The following CSMD1 variants were observed in gnomAD, a reference collection of about 807,000 sequenced individuals.
The protein encoded by CSMD1 is CUB and sushi domain-containing protein 1.
Under a neutral mutation model 417.5 loss-of-function variants are expected in CSMD1, and 213 were observed. The ratio of observed to expected loss-of-function variants is 0.51; its 90% CI spans 0.46 to 0.57. CSMD1 has a LOEUF of 0.57. CSMD1 is among the 20% of genes least tolerant of loss of function. The pLI, the probability that CSMD1 is intolerant of heterozygous loss-of-function variation, is 0.00. For missense variants in CSMD1, 6,923 were observed against 4,529.7 expected (o/e 1.53, Z -15.17); for synonymous variants, 2,862 against 1,736.8 (o/e 1.65, Z -16.11).
chr8:3,045,709 G>A (rs574900715), intron 50 of CSMD1, among the ~76,000 whole-genome samples: 2 of 152,208 alleles, frequency 1.3e-5, no homozygotes, highest in East Asian at 3.9e-4. Flanking sequence ...TAAGTTCCTA[G>A]AAGCAATATA....
At chr8:3,007,985 T>C (rs1256770059) in intron 52 of CSMD1, among the ~76,000 whole-genome samples, 1 of 152,182 alleles carries the variant, frequency 6.6e-6, no homozygotes, top group Non-Finnish European at 1.5e-5. Flanking sequence ...AAACTGCTAT[T>C]ATATTTTGCT....
At chr8:4,157,918 T>C (rs760119418) in intron 3 of CSMD1, among the ~76,000 whole-genome samples, 7 of 152,206 alleles carry the variant, frequency 4.6e-5, no homozygotes, top group Non-Finnish European at 7.3e-5. Flanking sequence ...GGCTTGTCCC[T>C]GAGGTTAAGC....
intron 1 of CSMD1, among the ~76,000 whole-genome samples, chr8:4,817,348 G>C (rs12541090): frequency 2.0e-5 from 3 of 152,158 alleles, no homozygotes; most frequent in African/African-American, 2.4e-5. Context: ...AATATGCTAA[G>C]ATAAAACATC....
intron 3 of CSMD1, among the ~76,000 whole-genome samples, chr8:4,054,068 A>C (rs944643362): frequency 6.6e-6 from 1 of 152,086 alleles, no homozygotes; most frequent in Non-Finnish European, 1.5e-5. Context: ...TGCTACTCCT[A>C]TCTCTCTCTG....
rs542215960 is a variant in CSMD1 at position 4,223,133 on chromosome 8, C to T, written c.416-191034G>A. On this transcript the variant is annotated intron_variant, in intron 3 of 69. Coordinates refer to ENST00000635120, the MANE Select transcript of CSMD1 (RefSeq NM_033225.6). Reference sequence around the variant, plus strand: ...TGTAGTAGCAAGTGGCTCAGTAAGACCTTGGGGAAAGGAGGGCAACGCCAC... The same window carrying T: ...TGTAGTAGCAAGTGGCTCAGTAAGATCTTGGGGAAAGGAGGGCAACGCCAC... Among the ~76,000 whole-genome samples the T allele has an allele frequency of 8.1e-5, 12 of 148,098 alleles. No individual in the cohort carries two copies. The South Asian group carries it at 2.5e-3, about 31-fold the overall frequency.
At chr8:3,843,627 T>C (rs1338548087) in intron 5 of CSMD1, among the ~76,000 whole-genome samples, 1 of 152,156 alleles carries the variant, frequency 6.6e-6, no homozygotes, top group Non-Finnish European at 1.5e-5. Context: ...AAATTTGTTA[T>C]AGGATACCAT....
At chr8:4,433,104 A>G (rs557616104) in intron 2 of CSMD1, among the ~76,000 whole-genome samples, 35 of 152,256 alleles carry the variant, frequency 2.3e-4, no homozygotes, top group African/African-American at 8.2e-4. Context: ...ATTGTCTCCC[A>G]TCACCTCCAG....
chr8:3,699,653 G>A (rs975308101), intron 7 of CSMD1, among the ~76,000 whole-genome samples: 4 of 152,170 alleles, frequency 2.6e-5, no homozygotes, highest in African/African-American at 7.2e-5. Context: ...AGCACTCTGT[G>A]TGACAAATAT....
At chr8:3,543,680 T>G (rs1255054956) in intron 10 of CSMD1, among the ~76,000 whole-genome samples, 1 of 151,374 alleles carries the variant, frequency 6.6e-6, no homozygotes, top group Non-Finnish European at 1.5e-5. Context: ...GAAAAGAGTG[T>G]GAGAGGAACA....
At chr8:4,124,309 A>G (rs973367186) in intron 3 of CSMD1, among the ~76,000 whole-genome samples, 2 of 152,202 alleles carry the variant, frequency 1.3e-5, no homozygotes, top group Non-Finnish European at 2.9e-5. Flanking sequence ...ATAATTCCAC[A>G]GGATCCTCTA....
chr8:3,152,017 C>G (rs1184573520), intron 39 of CSMD1, among the ~76,000 whole-genome samples: 2 of 152,214 alleles, frequency 1.3e-5, no homozygotes, highest in Admixed American at 6.5e-5. Context: ...CCTAAAGTGA[C>G]ATGCCTGGTA....
At chr8:4,312,371 G>A (rs1585209780) in intron 3 of CSMD1, among the ~76,000 whole-genome samples, 1 of 93,440 alleles carries the variant, frequency 1.1e-5, no homozygotes, top group African/African-American at 5.1e-5. Flanking sequence ...ACTTTTAATG[G>A]AACAAATATA....
intron 46 of CSMD1, among the ~76,000 whole-genome samples, chr8:3,105,436 G>A (rs923326796): frequency 9.9e-5 from 15 of 152,216 alleles, no homozygotes; most frequent in African/African-American, 3.6e-4. Flanking sequence ...TTTTGGATAG[G>A]TGAACTAATG....
intron 10 of CSMD1, among the ~76,000 whole-genome samples, chr8:3,503,836 C>T (rs1362247751): frequency 2.7e-5 from 4 of 148,496 alleles, no homozygotes; most frequent in Non-Finnish European, 4.5e-5. Flanking sequence ...CCCCCTTGCC[C>T]CCCCCCAACC....
chr8:3,430,808 A>G (rs1307953648), intron 12 of CSMD1, among the ~76,000 whole-genome samples: 1 of 152,150 alleles, frequency 6.6e-6, no homozygotes, highest in Non-Finnish European at 1.5e-5. Context: ...CTCCATTTCA[A>G]CAACAACAAC....
At chr8:3,949,891 G>A in intron 5 of CSMD1, 2 of 455,864 alleles carry the variant, frequency 4.4e-6, no homozygotes, top group South Asian at 3.1e-5. Context: ...ATTCAAGATT[G>A]TGCCTCCATG....
intron 3 of CSMD1, among the ~76,000 whole-genome samples, chr8:4,033,813 T>G (rs1184746724): frequency 2.0e-5 from 3 of 152,218 alleles, no homozygotes; most frequent in Non-Finnish European, 4.4e-5. Flanking sequence ...ATCAATTGAC[T>G]TGAAACTCCA....
At chr8:4,504,166 C>G (rs1463380981) in intron 2 of CSMD1, among the ~76,000 whole-genome samples, 3 of 152,046 alleles carry the variant, frequency 2.0e-5, no homozygotes, top group Non-Finnish European at 4.4e-5. Flanking sequence ...AAGGGAGATC[C>G]TGCCATAGCA....
chr8:3,905,601 T>C (rs1216868864), intron 5 of CSMD1, among the ~76,000 whole-genome samples: 1 of 152,190 alleles, frequency 6.6e-6, no homozygotes, highest in African/African-American at 2.4e-5. Context: ...ACCCAGAGTT[T>C]CCACTTCAGT....
Sources: allele counts gnomAD v4.1 joint callset (sites outside exome capture counted in the v4.1 genomes callset), GRCh38; gene constraint gnomAD v4.1.1; transcripts MANE v1.5; gene names NCBI Gene and HGNC (gene_info 2026-07-23, HGNC 2026-07-21).